DLG5: variants seen among roughly 807,000 people sequenced by gnomAD.
The protein encoded by DLG5 is disks large homolog 5.
In DLG5, 48 loss-of-function variants were observed where a neutral mutation model predicts 189.8. The observed-to-expected ratio is 0.25, with a 90% confidence interval of 0.20 to 0.32. The LOEUF (loss-of-function observed/expected upper bound fraction) is 0.32. Among genes scored for constraint, DLG5 ranks in the 10% least tolerant of loss-of-function variants. The pLI is 1.00. For missense variants in DLG5, 2,160 were observed against 2,544.7 expected (o/e 0.85, Z 3.25); for synonymous variants, 1,016 against 1,054.1 (o/e 0.96, Z 0.70).
In DLG5 at chr10:77,821,175, C is replaced by T. The variant is rs1156929357; in HGVS notation, c.3309G>A (p.Val1103=). The part of the protein sequence containing the change: ...SCDEDLTSQK[V]DELGQKRRRP... ...GGCGACGCTTCTGCCCCAGCTCATC[C>T]ACCTTCTGGGAGGTGAGGTCCTCAT... The change falls in exon 15 of 32, where the codon GTG becomes GTA. Residue 1103 remains valine (V), a synonymous_variant. Coordinates refer to ENST00000372391, the MANE Select transcript of DLG5 (RefSeq NM_004747.4). 2 of 1,614,068 alleles carry T rather than the reference C, an allele frequency of 1.2e-6. No individual in the cohort carries two copies. Among genetic ancestry groups the T allele is most frequent in the East Asian group, 2.2e-5 (1 of 44,894 alleles).
intron 20 of DLG5, chr10:77,816,202 C>G (rs530342580): frequency 3.2e-5 from 18 of 556,072 alleles, no homozygotes; most frequent in South Asian, 4.6e-5. Context: ...ACAATAATAA[C>G]GACACTGGCA....
At chr10:77,881,732 T>C (rs1355457187) in intron 1 of DLG5, among the ~76,000 whole-genome samples, 1 of 152,218 alleles carries the variant, frequency 6.6e-6, no homozygotes, top group Non-Finnish European at 1.5e-5. Flanking sequence ...CCTCCCCCAC[T>C]GTCCCTTCGT....
chr10:77,935,074 T>C, the DLG5 span, among the ~76,000 whole-genome samples: 8 of 152,144 alleles, frequency 5.3e-5, no homozygotes, highest in South Asian at 4.1e-4. Context: ...AGCCACATGG[T>C]CTCAATCTCC....
At chr10:77,802,623 C>T (rs1418599986) in intron 27 of DLG5, among the ~76,000 whole-genome samples, 8 of 152,210 alleles carry the variant, frequency 5.3e-5, no homozygotes, top group African/African-American at 1.7e-4. Context: ...CAGTGCCTTG[C>T]GCCTGTAATC....
At chr10:77,869,893 T>C (rs1261991) in intron 1 of DLG5, among the ~76,000 whole-genome samples, 38,727 of 152,012 alleles carry the variant, frequency 0.25, 5,517 homozygotes, top group Admixed American at 0.39. Context: ...CCTAGCTCTA[T>C]GTAGGTGCCC....
upstream of DLG5, among the ~76,000 whole-genome samples, chr10:77,930,189 C>G (rs1846773418): frequency 6.6e-6 from 1 of 152,114 alleles, no homozygotes; most frequent in African/African-American, 2.4e-5. Flanking sequence ...TTGAGTCTCC[C>G]CATTCTCAAG....
chr10:77,884,890 T>C (rs1845392816), intron 1 of DLG5, among the ~76,000 whole-genome samples: 1 of 152,162 alleles, frequency 6.6e-6, no homozygotes, highest in African/African-American at 2.4e-5. Flanking sequence ...ATTTTGGAAA[T>C]GGCGGACTTC....
rs556899023 is a variant in DLG5 at position 77,830,753 on chromosome 10, G to C, written c.1869C>G (p.Phe623Leu). 6.8e-6 allele frequency: 11 copies of C among 1,614,024 alleles called. No individual in the cohort carries two copies. Among genetic ancestry groups the C allele is most frequent in the South Asian group, 1.1e-5 (1 of 91,082 alleles). ...SMEWETEVVEFERETEDIDLK... is the reference protein window; with the variant it reads ...SMEWETEVVELERETEDIDLK... ...AGAGGCAGCTTACCGTCTCCCTCTC[G>C]AACTCTACAACTTCCGTTTCCCACT... is the stretch of plus-strand genomic sequence containing the variant. Residue 623 changes from phenylalanine to leucine, a missense_variant, in exon 10 of 32, where the codon TTC becomes TTG. By Grantham distance (22) the Phe-to-Leu change is conservative. Coordinates refer to ENST00000372391, the MANE Select transcript of DLG5 (RefSeq NM_004747.4).
At chr10:77,823,194 G>A (rs1842453500) in intron 14 of DLG5, among the ~76,000 whole-genome samples, 1 of 152,158 alleles carries the variant, frequency 6.6e-6, no homozygotes, top group Non-Finnish European at 1.5e-5. Context: ...TTGAGAGAGT[G>A]CTAAGAATTC....
upstream of DLG5, among the ~76,000 whole-genome samples, chr10:77,931,686 C>T (rs1478534003): frequency 6.6e-6 from 1 of 152,080 alleles, no homozygotes; most frequent in Non-Finnish European, 1.5e-5. Context: ...ATCTTGTTCT[C>T]CCACCTTCCT....
the DLG5 span, among the ~76,000 whole-genome samples, chr10:77,935,229 T>C: frequency 6.6e-6 from 1 of 152,206 alleles, no homozygotes; most frequent in African/African-American, 2.4e-5. Flanking sequence ...CAATCCCCAA[T>C]GAGCTATGAG....
At chr10:77,921,419 G>C (rs1846530366) in intron 1 of DLG5, among the ~76,000 whole-genome samples, 1 of 152,132 alleles carries the variant, frequency 6.6e-6, no homozygotes, top group Non-Finnish European at 1.5e-5. Context: ...CACTAGAAAA[G>C]CCTGGCAGGG....
intron 20 of DLG5, among the ~76,000 whole-genome samples, chr10:77,812,723 C>T (rs932992082): frequency 6.6e-6 from 1 of 152,196 alleles, no homozygotes; most frequent in African/African-American, 2.4e-5. Context: ...TCTGGGGGGT[C>T]TTGAGATGCC....
At chr10:77,834,950 G>C (rs1843052627) in intron 8 of DLG5, among the ~76,000 whole-genome samples, 1 of 151,938 alleles carries the variant, frequency 6.6e-6, no homozygotes, top group African/African-American at 2.4e-5. Flanking sequence ...GAAATCTTTT[G>C]GACACCTCCC....
chr10:77,851,316 A>G (rs923107077), intron 5 of DLG5, among the ~76,000 whole-genome samples: 1 of 152,216 alleles, frequency 6.6e-6, no homozygotes, highest in African/African-American at 2.4e-5. Flanking sequence ...TGACATGCAC[A>G]AGGAAGGGTC....
intron 1 of DLG5, among the ~76,000 whole-genome samples, chr10:77,921,425 C>T (rs568707159): frequency 6.6e-6 from 1 of 152,186 alleles, no homozygotes; most frequent in Non-Finnish European, 1.5e-5. Context: ...AAAAGCCTGG[C>T]AGGGTTATTC....
intron 1 of DLG5, among the ~76,000 whole-genome samples, chr10:77,879,379 A>G (rs1447737096): frequency 6.6e-6 from 1 of 152,160 alleles, no homozygotes; most frequent in African/African-American, 2.4e-5. Flanking sequence ...TATGGGCCAC[A>G]CAGAGGATGC....
intron 1 of DLG5, among the ~76,000 whole-genome samples, chr10:77,916,465 G>C (rs1462248903): frequency 6.7e-5 from 10 of 150,206 alleles, no homozygotes; most frequent in Non-Finnish European, 7.4e-5. Context: ...CTAAATTTTT[G>C]TATTTTTAGT....
chr10:77,855,213 T>A (rs765531716), intron 3 of DLG5, among the ~76,000 whole-genome samples: 1 of 152,156 alleles, frequency 6.6e-6, no homozygotes, highest in Admixed American at 6.5e-5. Context: ...ACACTGGCCA[T>A]GAGCAGTGAT....
Sources: gnomAD v4.1 joint callset for allele counts (sites outside exome capture counted in the v4.1 genomes callset) on GRCh38, gnomAD v4.1.1 for gene constraint, MANE v1.5 for transcripts, NCBI Gene and HGNC (gene_info 2026-07-23, HGNC 2026-07-21) for gene names.